The following PYCR2 variants were observed in gnomAD, a reference collection of about 807,000 sequenced individuals.
PYCR2 encodes the protein pyrroline-5-carboxylate reductase 2, also known as P5C reductase 2.
A neutral mutation model predicts 23.4 loss-of-function variants in PYCR2; 17 were observed. That is an observed-to-expected ratio of 0.73 (90% CI 0.50 to 1.09). The LOEUF (loss-of-function observed/expected upper bound fraction) is 1.09. Ranked by LOEUF, PYCR2 falls within the 50% of genes least tolerant of loss-of-function variation. PYCR2 has a pLI of 0.00. For synonymous variants in PYCR2, 172 were observed against 176.6 expected, an observed-to-expected ratio of 0.97 and a Z score of 0.21; for missense variants, 380 against 423.5, an observed-to-expected ratio of 0.90 and a Z score of 0.90.
chr1:225,921,262 C>T lies in PYCR2; in HGVS notation c.743G>A (p.Gly248Glu). The T allele has an allele frequency of 6.2e-7, 1 of 1,614,012 alleles. No homozygotes were observed. The highest frequency in any genetic ancestry group is 8.5e-7 in the Non-Finnish European group (1 of 1,179,894). Residue 248 changes from glycine (G) to glutamate (E), a missense_variant, in exon 6 of 7, where the codon GGG becomes GAG. Gly to Glu is a moderately conservative substitution (Grantham distance 98). Transcript: ENST00000343818. This position sits in a 1 kb window ranked among gnomAD's most constrained non-coding sequence, Gnocchi z 4.2. ...TIHALHFLES[G>E]GFRSLLINAV... ...ATTGATGAGCAGAGAGCGGAAGCCC[C>T]CACTCTCTAGAAAGTGCAGGGCGTG...
intron 2 of PYCR2, chr1:225,923,084 G>A (rs1346772975): frequency 1.1e-6 from 1 of 901,580 alleles, no homozygotes. Context: ...GCCTCAAAGT[G>A]GCTGAGTACT....
rs1438811892 is a variant in PYCR2 at position 225,924,058 on chromosome 1, C to A, written c.53G>T (p.Gly18Val). 1.3e-6 allele frequency: 2 copies of A among 1,542,164 alleles called. No homozygotes were observed. The highest frequency in any genetic ancestry group is 1.2e-5 in the South Asian group (1 of 84,156). The part of the protein sequence containing the change: ...AGQLAYALAR[G>V]FTAAGILSAH... The stretch of plus-strand genomic sequence containing the variant: ...CACGCGCTTGCCTGCGGCCGTGAAG[C>A]CCCGCGCCAGAGCATAGGCCAGCTG... Residue 18 changes from glycine to valine, a missense_variant, in exon 1 of 7, where the codon GGC (glycine) becomes GTC (valine). By Grantham distance (109) the Gly-to-Val change is moderately radical. Transcript: ENST00000343818.
intron 1 of PYCR2, 24 bp from the exon 2 acceptor site, chr1:225,923,795 C>G (rs755227367): frequency 6.2e-7 from 1 of 1,613,986 alleles, no homozygotes; most frequent in Non-Finnish European, 8.5e-7. Flanking sequence ...AGCTTTTCAA[C>G]TAGGGGTCGC....
Position 225,921,957 on chromosome 1 carries a change from C to T in PYCR2, c.441G>A (p.Gln147=), listed in dbSNP as rs750653199. 1.2e-6 allele frequency: 2 copies of T among 1,614,144 alleles called. No homozygotes were observed. The highest frequency in any genetic ancestry group is 2.2e-5 in the South Asian group (2 of 91,064). ...TGTHALVEDG[Q]LLEQLMSSVG... ...CGCTGCTCATGAGCTGCTCCAGGAG[C>T]TGCCCATCCTCCACCAGGGCATGGG... Residue 147 remains glutamine, a synonymous_variant, in exon 4 of 7, where the codon CAG becomes CAA. Transcript: ENST00000343818. The surrounding 1 kb of genome is among the most constrained non-coding windows in gnomAD (Gnocchi z 4.2).
chr1:225,922,221 T>C lies in PYCR2; in HGVS notation c.301A>G (p.Ile101Val), dbSNP rs1353833922. 1.2e-6 allele frequency: 2 copies of C among 1,613,830 alleles called. No individual in the cohort carries two copies. The highest frequency in any genetic ancestry group is 2.2e-5 in the East Asian group (1 of 44,882). The change falls in exon 3 of 7, where the codon ATC (isoleucine) becomes GTC (valine). Residue 101 changes from isoleucine to valine, a missense_variant. By Grantham distance (29) the Ile-to-Val change is conservative (BLOSUM62 3). Transcript: ENST00000343818. ...ATGGGCACCTTCTCCACAGAGCTGA[T>C]GGTGACACCAGCCGCACAGGAGACC... ...IVVSCAAGVTISSVEKKLMAF... is the reference protein window; with the variant it reads ...IVVSCAAGVTVSSVEKKLMAF...
Position 225,921,468 on chromosome 1 carries a change from A to C in PYCR2, c.633+84T>G. On this transcript the variant is annotated intron_variant, in intron 5 of 6. Transcript: ENST00000343818. The surrounding 1 kb of genome is among the most constrained non-coding windows in gnomAD (Gnocchi z 4.2). ...TGCCCAACTGCTACCCCAGCTTCCCAACCAACTCCCACCTCAGTTCAGTGA... is the reference window on the plus strand; with the variant it reads ...TGCCCAACTGCTACCCCAGCTTCCCCACCAACTCCCACCTCAGTTCAGTGA... 5 of 1,573,018 alleles carry C rather than the reference A, an allele frequency of 3.2e-6. No homozygotes were observed. The highest frequency in any genetic ancestry group is 4.4e-6 in the Non-Finnish European group (5 of 1,145,996).
At position 225,921,896 on chromosome 1, in the gene PYCR2, C is replaced by T. The variant is rs1446627342; in HGVS notation, c.502G>A (p.Asp168Asn). The T allele has an allele frequency of 7.4e-6, 12 of 1,613,326 alleles. No homozygotes were observed. Among genetic ancestry groups the T allele is most frequent in the East Asian group, 2.2e-5 (1 of 44,896 alleles). The change falls in exon 4 of 7, where the codon GAT becomes AAT. Residue 168 changes from aspartate to asparagine, a missense_variant. Physicochemically the swap from Asp to Asn is conservative, Grantham distance 23. Coordinates refer to ENST00000343818, the MANE Select transcript of PYCR2 (RefSeq NM_013328.4). The surrounding 1 kb of genome is among the most constrained non-coding windows in gnomAD (Gnocchi z 4.2). ...FCTEVEEDLI[D>N]AVTGLSGSGP... ...CTGCCACTGAGCCCCGTGACGGCAT[C>T]GATGAGGTCCTCTTCCACCTCAGTG...
chr1:225,921,816 C>T lies in PYCR2; in HGVS notation c.540+42G>A. ...GCCTGCCTGCCAGCCCATCTTGCTG[C>T]CTGGGTTCCTAGAAGGCTGAGCGAG... On this transcript the variant is annotated intron_variant, in intron 4 of 6. Transcript: ENST00000343818. This position sits in a 1 kb window ranked among gnomAD's most constrained non-coding sequence, Gnocchi z 4.2. 6.2e-7 allele frequency: 1 copy of T among 1,610,818 alleles called. No homozygotes were observed. The highest frequency in any genetic ancestry group is 8.5e-7 in the Non-Finnish European group (1 of 1,178,362).
At chr1:225,920,927 T>C (rs985939513) in intron 6 of PYCR2, among the ~76,000 whole-genome samples, 1 of 152,216 alleles carries the variant, frequency 6.6e-6, no homozygotes, top group African/African-American at 2.4e-5. Flanking sequence ...CCATCACTTT[T>C]TAACTGTTTG....
At position 225,920,370 on chromosome 1, in the gene PYCR2, A is replaced by G. The variant is rs1671803188; in HGVS notation, c.*85T>C. ...CTCCTTGCACAGCTGAGGAGGGGCAATGGTGGGAGCGGGGCAGGGGGGTGG... is the reference window on the plus strand; with the variant it reads ...CTCCTTGCACAGCTGAGGAGGGGCAGTGGTGGGAGCGGGGCAGGGGGGTGG... On this transcript the variant is annotated 3_prime_UTR_variant, in exon 7 of 7. Transcript: ENST00000343818. The G allele has an allele frequency of 4.2e-6, 5 of 1,188,580 alleles. No individual in the cohort carries two copies. The highest frequency in any genetic ancestry group is 3.5e-5 in the South Asian group (2 of 56,858). 73.6% of individuals were successfully genotyped at this position (1,188,580 alleles called of 1,614,324 possible).
rs1319648837 is a variant in PYCR2, at chr1:225,923,710, G to A, written c.129C>T (p.Ser43=). The change falls in exon 2 of 7, where the codon TCC becomes TCT. Residue 43 remains serine (S), a synonymous_variant. Coordinates refer to ENST00000343818, the MANE Select transcript of PYCR2 (RefSeq NM_013328.4). ...SSPEMNLPTV[S]ALRKMGVNLT... is the part of the protein sequence containing the mutation. ...GCCCGGCTCCACCTACCCTGAGCGCGGACACCGTGGGCAGGTTCATTTCTG... is the reference window on the plus strand; with the variant it reads ...GCCCGGCTCCACCTACCCTGAGCGCAGACACCGTGGGCAGGTTCATTTCTG... 2 of 1,614,026 alleles carry A rather than the reference G, an allele frequency of 1.2e-6. No individual in the cohort carries two copies. The highest frequency in any genetic ancestry group is 1.7e-5 in the Admixed American group (1 of 60,004).
chr1:225,921,129 C>A lies in PYCR2; in HGVS notation c.797+79G>T. ...TAAATGGGACCCAAGACAGCAGGTTCCGCAAATGGTGCTCAACCCAGCCCA... is the reference window on the plus strand; with the variant it reads ...TAAATGGGACCCAAGACAGCAGGTTACGCAAATGGTGCTCAACCCAGCCCA... On this transcript the variant is annotated intron_variant, in intron 6 of 6. Coordinates refer to ENST00000343818, the MANE Select transcript of PYCR2 (RefSeq NM_013328.4). The surrounding 1 kb of genome is among the most constrained non-coding windows in gnomAD (Gnocchi z 4.2). 1 of 1,402,922 alleles carries A rather than the reference C, an allele frequency of 7.1e-7. No homozygotes were observed. The highest frequency in any genetic ancestry group is 9.8e-7 in the Non-Finnish European group (1 of 1,024,890). The allele number at this position is 1,402,922 out of a possible 1,614,324, so 86.9% of individuals were successfully genotyped here.
chr1:225,920,747 A>G (rs766313870), intron 6 of PYCR2, 127 bp from the exon 7 acceptor site: 34 of 1,073,066 alleles, frequency 3.2e-5, no homozygotes, highest in Non-Finnish European at 4.5e-5. Context: ...GAGCCCCAAG[A>G]CAAACGCTTC....
At position 225,921,809 on chromosome 1, in the gene PYCR2, C is replaced by T. The variant is rs768503629; in HGVS notation, c.540+49G>A. On this transcript the variant is annotated intron_variant, in intron 4 of 6. Transcript: ENST00000343818. The surrounding 1 kb of genome is among the most constrained non-coding windows in gnomAD (Gnocchi z 4.2). ...AGTCCAAGCCTGCCTGCCAGCCCATCTTGCTGCCTGGGTTCCTAGAAGGCT... is the reference window on the plus strand; with the variant it reads ...AGTCCAAGCCTGCCTGCCAGCCCATTTTGCTGCCTGGGTTCCTAGAAGGCT... 8 of 1,609,788 alleles carry T rather than the reference C, an allele frequency of 5.0e-6. No individual in the cohort carries two copies. Among genetic ancestry groups the T allele is most frequent in the South Asian group, 3.3e-5 (3 of 90,620 alleles).
rs766339834 is a variant in PYCR2 at position 225,922,023 on chromosome 1, A to G, written c.375T>C (p.Pro125=). 6.2e-7 allele frequency: 1 copy of G among 1,614,136 alleles called. No homozygotes were observed. The highest frequency in any genetic ancestry group is 8.5e-7 in the Non-Finnish European group (1 of 1,180,018). ...PKVIRCMTNT[P]VVVQEGATVY... ...CTGTAGCGCCTTCCTGCACTACCAC[A>G]GGTGTGTTGGTCATGCAGCGAATCA... is the stretch of plus-strand genomic sequence containing the variant. Residue 125 remains proline (P), a synonymous_variant, in exon 4 of 7, where the codon CCT becomes CCC. Transcript: ENST00000343818.
chr1:225,922,817 G>A, intron 2 of PYCR2: 1 of 233,960 alleles, frequency 4.3e-6, no homozygotes, highest in Non-Finnish European at 7.4e-6. Flanking sequence ...GGGCTAGGCT[G>A]GAAGCCATCC....
Position 225,920,382 on chromosome 1 carries a change from G to GGGCAGGGGGGTGGCAGGGGC in PYCR2, c.*53_*72dup. The GGGCAGGGGGGTGGCAGGGGC allele has an allele frequency of 7.3e-7, 1 of 1,361,386 alleles. No homozygotes were observed. The highest frequency in any genetic ancestry group is 2.7e-4 in the Middle Eastern group (1 of 3,678). 84.3% of individuals were successfully genotyped at this position (1,361,386 alleles called of 1,614,324 possible). On this transcript the variant is annotated 3_prime_UTR_variant, in exon 7 of 7. Coordinates refer to ENST00000343818, the MANE Select transcript of PYCR2 (RefSeq NM_013328.4). ...CTGAGGAGGGGCAATGGTGGGAGCG[G>GGGCAGGGGGGTGGCAGGGGC]GGCAGGGGGGTGGCAGGGGCGGCAG...
At chr1:225,922,960 G>C (rs1024828194) in intron 2 of PYCR2, 2 of 943,026 alleles carry the variant, frequency 2.1e-6, no homozygotes, top group South Asian at 4.9e-5. Context: ...TTTGGGTGAA[G>C]ACTTGGAATA....
rs1297872248 is a variant in PYCR2, at chr1:225,921,623, A to C, written c.562T>G (p.Leu188Val). 2 of 1,614,140 alleles carry C rather than the reference A, an allele frequency of 1.2e-6. No homozygotes were observed. Among genetic ancestry groups the C allele is most frequent in the Non-Finnish European group, 1.7e-6 (2 of 1,180,012 alleles). The change falls in exon 5 of 7, where the codon TTG becomes GTG. Residue 188 changes from leucine to valine, a missense_variant. Leu to Val is a conservative substitution (Grantham distance 32). Transcript: ENST00000343818. The surrounding 1 kb of genome is among the most constrained non-coding windows in gnomAD (Gnocchi z 4.2). ...PAYAFMALDA[L>V]ADGGVKMGLP... ...CCCATCTTCACCCCACCATCAGCCA[A>C]TGCGTCCAGAGCCATGAATGCCTGT...
Sources: gnomAD v4.1 joint callset for allele counts (sites outside exome capture counted in the v4.1 genomes callset) on GRCh38, gnomAD v4.1.1 for gene constraint, Gnocchi (gnomAD v3.1) non-coding constraint, MANE v1.5 for transcripts, NCBI Gene and HGNC (gene_info 2026-07-23, HGNC 2026-07-21) for gene names.